Variants in MAN2A1 observed in about 807,000 individuals in gnomAD.
The protein encoded by MAN2A1 is mannosidase alpha class 2A member 1.
A neutral mutation model predicts 142.6 loss-of-function variants in MAN2A1; 76 were observed. The observed-to-expected ratio is 0.53, with a 90% CI of 0.44 to 0.65. The LOEUF (loss-of-function observed/expected upper bound fraction) is 0.65. MAN2A1 is among the 30% of genes least tolerant of loss of function. The probability of loss-of-function intolerance (pLI) is 0.00; values close to 1 mark genes in which losing one functional copy is unlikely to be tolerated. For synonymous variants in MAN2A1, 559 were observed against 473.2 expected (o/e 1.18, Z -2.35); for missense variants, 1,311 against 1,365.1 (o/e 0.96, Z 0.62).
chr5:109,719,085 T>C (rs1373584136), intron 3 of MAN2A1, among the ~76,000 whole-genome samples: 1 of 150,656 alleles, frequency 6.6e-6, no homozygotes, highest in African/African-American at 2.5e-5. Flanking sequence ...TTAGATTTTT[T>C]GTTTGTTTGT....
At chr5:109,768,462 A>T (rs2112647707) in intron 6 of MAN2A1, among the ~76,000 whole-genome samples, 1 of 152,312 alleles carries the variant, frequency 6.6e-6, no homozygotes, top group South Asian at 2.1e-4. Flanking sequence ...CAAAAGTCAT[A>T]TAGGTCATGC....
At chr5:109,851,380 T>A (rs1755476948) in intron 19 of MAN2A1, among the ~76,000 whole-genome samples, 1 of 152,206 alleles carries the variant, frequency 6.6e-6, no homozygotes, top group African/African-American at 2.4e-5. Context: ...GCTACCATTG[T>A]GGTAATGTTG....
At chr5:109,771,566 G>A (rs1753146240) in intron 7 of MAN2A1, among the ~76,000 whole-genome samples, 1 of 152,156 alleles carries the variant, frequency 6.6e-6, no homozygotes, top group African/African-American at 2.4e-5. Context: ...GTTAGGGATT[G>A]ACTTGATTTC....
chr5:109,749,917 A>G (rs1224901937), intron 4 of MAN2A1, among the ~76,000 whole-genome samples: 1 of 152,022 alleles, frequency 6.6e-6, no homozygotes, highest in Admixed American at 6.6e-5. Flanking sequence ...CTTTTAAAAA[A>G]TTGTTAGTCT....
chr5:109,790,650 T>G (rs1753715081), intron 12 of MAN2A1, among the ~76,000 whole-genome samples: 1 of 152,030 alleles, frequency 6.6e-6, no homozygotes, highest in African/African-American at 2.4e-5. Context: ...GCATTTGGGG[T>G]TATATGCCTG....
chr5:109,827,738 A>C (rs1194712999), intron 16 of MAN2A1, among the ~76,000 whole-genome samples: 5 of 152,202 alleles, frequency 3.3e-5, no homozygotes, highest in Admixed American at 3.3e-4. Flanking sequence ...AAGGTTTCTA[A>C]AAATACTAAA....
rs778171894 is a variant in MAN2A1, at chr5:109,819,837, C to G, written c.2278C>G (p.Leu760Val). The stretch of plus-strand genomic sequence containing the variant: ...GATAAATACTGAAGAAGGTATAACA[C>G]TAGAGAACTCCTTTGTTTTACTTCG... ...NMINTEEGIT[L>V]ENSFVLLRFD... The change falls in exon 14 of 22, where the codon CTA becomes GTA. Residue 760 changes from leucine (L) to valine (V), a missense_variant. This residue lies in a region of MAN2A1 where 890 missense variants were observed against 920.5 expected (regional missense o/e 0.97). Transcript: ENST00000261483. 1.9e-6 allele frequency: 3 copies of G among 1,608,472 alleles called. No homozygotes were observed. Among genetic ancestry groups the G allele is most frequent in the Non-Finnish European group, 2.5e-6 (3 of 1,177,720 alleles).
At chr5:109,768,693 TTA>T (rs1753058595) in intron 6 of MAN2A1, among the ~76,000 whole-genome samples, 1 of 152,248 alleles carries the variant, frequency 6.6e-6, no homozygotes, top group East Asian at 1.9e-4. Flanking sequence ...CGTAACTTTC[TTA>T]TATGTACTCC....
At chr5:109,853,269 G>A (rs1011993751) in intron 19 of MAN2A1, among the ~76,000 whole-genome samples, 1 of 152,074 alleles carries the variant, frequency 6.6e-6, no homozygotes, top group Non-Finnish European at 1.5e-5. Context: ...AGCAGTGTGC[G>A]GCTAACTCCA....
At chr5:109,731,356 CTTT>C (rs534960854) in intron 4 of MAN2A1, among the ~76,000 whole-genome samples, 50 of 123,736 alleles carry the variant, frequency 4.0e-4, no homozygotes, top group East Asian at 6.3e-4. Flanking sequence ...AAGCGTGTTT[CTTT>C]TTTTTATTAT....
In MAN2A1 at chr5:109,867,040, A is replaced by T. The variant is rs1204907646; in HGVS notation, c.*42A>T. 3 of 1,562,886 alleles carry T rather than the reference A, an allele frequency of 1.9e-6. No individual in the cohort carries two copies. In the African/African-American group the frequency reaches 4.1e-5, roughly 21 times the overall value. On this transcript the variant is annotated 3_prime_UTR_variant, in exon 22 of 22. Transcript: ENST00000261483. ...TGGATTGAGAATCATTGGCTTTTAT[A>T]CCTTTCTTGGTTTGACGTGCAATAA... is the stretch of plus-strand genomic sequence containing the variant.
chr5:109,782,265 G>T (rs748393025), intron 9 of MAN2A1, among the ~76,000 whole-genome samples: 1 of 152,166 alleles, frequency 6.6e-6, no homozygotes, highest in Non-Finnish European at 1.5e-5. Context: ...CACTATCCAG[G>T]AGAACTTTCA....
In MAN2A1 at chr5:109,865,037, T is replaced by A; in HGVS notation, c.3173T>A (p.Val1058Glu). 1 of 1,610,400 alleles carries A rather than the reference T, an allele frequency of 6.2e-7. No individual in the cohort carries two copies. Among genetic ancestry groups the A allele is most frequent in the Middle Eastern group, 1.7e-4 (1 of 6,054 alleles). ...TGACTGCATTCTGCTCATTTGCAGG[T>A]GGGCAATGGGCACTCCAATGAGGCA... ...LVNLRTIQSK[V>E]GNGHSNEAAL... Residue 1058 changes from valine to glutamate, a missense_variant and splice_region_variant, in exon 21 of 22, where the codon GTG (valine) becomes GAG (glutamate). Coordinates refer to ENST00000261483, the MANE Select transcript of MAN2A1 (RefSeq NM_002372.4).
chr5:109,742,755 G>A (rs1752303367), intron 4 of MAN2A1, among the ~76,000 whole-genome samples: 1 of 152,202 alleles, frequency 6.6e-6, no homozygotes, highest in African/African-American at 2.4e-5. Flanking sequence ...TTTGGATTGA[G>A]TTTAGAATCT....
At chr5:109,836,739 T>G (rs1003886411) in intron 16 of MAN2A1, among the ~76,000 whole-genome samples, 1 of 152,178 alleles carries the variant, frequency 6.6e-6, no homozygotes, top group African/African-American at 2.4e-5. Context: ...ATAAATAATA[T>G]ATATGTGTAC....
intron 16 of MAN2A1, among the ~76,000 whole-genome samples, chr5:109,825,900 C>CTTTTT (rs869069525): frequency 1.3e-4 from 12 of 92,184 alleles, no homozygotes; most frequent in Non-Finnish European, 1.5e-4. Flanking sequence ...TCTTTCCTTC[C>CTTTTT]TTTTTTTTTT....
At chr5:109,809,518 A>AT (rs1754263784) in intron 12 of MAN2A1, among the ~76,000 whole-genome samples, 1 of 152,198 alleles carries the variant, frequency 6.6e-6, no homozygotes, top group Non-Finnish European at 1.5e-5. Context: ...CTGGATATAG[A>AT]TTTTTAGGCT....
intron 12 of MAN2A1, among the ~76,000 whole-genome samples, chr5:109,797,708 T>A (rs1753900919): frequency 6.6e-6 from 1 of 152,096 alleles, no homozygotes; most frequent in Non-Finnish European, 1.5e-5. Flanking sequence ...GGATAAGTGC[T>A]GGGTAATAAA....
chr5:109,736,753 C>T (rs1306881287), intron 4 of MAN2A1, among the ~76,000 whole-genome samples: 1 of 152,014 alleles, frequency 6.6e-6, no homozygotes, highest in East Asian at 1.9e-4. Flanking sequence ...CTCCTAGAAC[C>T]TGTTTATATT....
Sources: gnomAD v4.1 joint callset for allele counts (sites outside exome capture counted in the v4.1 genomes callset) on GRCh38, gnomAD v4.1.1 for gene constraint, gnomAD v4.1.1 regional missense constraint, MANE v1.5 for transcripts, NCBI Gene and HGNC (gene_info 2026-07-23, HGNC 2026-07-21) for gene names.